Variants in PDE12 observed in about 807,000 individuals in gnomAD.
PDE12 encodes the protein 2',5'-phosphodiesterase 12.
In PDE12, 26 loss-of-function variants were observed where a neutral mutation model predicts 45.4. The ratio of observed to expected loss-of-function variants is 0.57; its 90% CI spans 0.42 to 0.79. The LOEUF (loss-of-function observed/expected upper bound fraction) is 0.79, where lower values mean the gene tolerates loss of function less well. Among genes scored for constraint, PDE12 ranks in the 30% least tolerant of loss-of-function variants. The probability of loss-of-function intolerance (pLI) is 0.00; values close to 1 mark genes in which losing one functional copy is unlikely to be tolerated. For synonymous variants in PDE12, 283 were observed against 323.9 expected (o/e 0.87, Z 1.36); for missense variants, 668 against 790.0 (o/e 0.85, Z 1.85).
chr3:57,629,241 G>T, the PDE12 span, among the ~76,000 whole-genome samples: 1 of 152,132 alleles, frequency 6.6e-6, no homozygotes, highest in African/African-American at 2.4e-5. Flanking sequence ...CAAATCAAGA[G>T]AACTGAACAT....
the PDE12 span, among the ~76,000 whole-genome samples, chr3:57,589,037 G>A: frequency 6.6e-6 from 1 of 151,884 alleles, no homozygotes; most frequent in South Asian, 2.1e-4. Context: ...GAGAGGCGGA[G>A]GTCGCAGTGA....
At chr3:57,611,422 A>C in the PDE12 span, among the ~76,000 whole-genome samples, 1 of 152,210 alleles carries the variant, frequency 6.6e-6, no homozygotes, top group African/African-American at 2.4e-5. Context: ...ACAGCAAAAG[A>C]AACTACCATC....
chr3:57,646,288 C>A, the PDE12 span: 16 of 1,578,018 alleles, frequency 1.0e-5, no homozygotes, highest in African/African-American at 1.4e-5. Flanking sequence ...AAAAAAAAAA[C>A]CCAGAAATAG....
rs1191571489 is a variant in PDE12 at position 57,556,883 on chromosome 3, G to C, written c.504G>C (p.Gln168His). The change falls in exon 1 of 3, where the codon CAG becomes CAC. Residue 168 changes from glutamine (Q) to histidine (H), a missense_variant. Transcript: ENST00000311180. The surrounding 1 kb of genome is among the most constrained non-coding windows in gnomAD (Gnocchi z 5.0). ...ACCCGCCCGCCTTCACCGAACTGCA[G>C]TTGCCGCGCTACATCATGGCCGGGT... ...ERNPPAFTEL[Q>H]LPRYIMAGFP... 2 of 1,614,186 alleles carry C rather than the reference G, an allele frequency of 1.2e-6. No homozygotes were observed. Among genetic ancestry groups the C allele is most frequent in the Non-Finnish European group, 1.7e-6 (2 of 1,180,044 alleles).
In PDE12 at chr3:57,563,843, T is replaced by C. The variant is rs1262032252; in HGVS notation, c.*3839T>C. ...AGCCTGCAGTGAGTTGTGATCAAGG[T>C]GCGCTGCACTCCAGCCTGGGTAATA... On this transcript the variant is annotated 3_prime_UTR_variant, in exon 3 of 3. Transcript: ENST00000311180. 6.6e-6 allele frequency: 1 copy of C among 152,198 alleles called. No homozygotes were observed. Among genetic ancestry groups the C allele is most frequent in the Non-Finnish European group, 1.5e-5 (1 of 68,090 alleles). 9.4% of individuals were successfully genotyped at this position (152,198 alleles called of 1,614,324 possible). A position where few individuals can be genotyped will look rare whatever the true frequency, so the allele number is the denominator to read the frequency against.
chr3:57,607,967 A>G, the PDE12 span, among the ~76,000 whole-genome samples: 1 of 152,166 alleles, frequency 6.6e-6, no homozygotes, highest in Admixed American at 6.5e-5. Context: ...GAAGGAAAAA[A>G]TATTAAGGGC....
chr3:57,598,706 G>C, the PDE12 span, among the ~76,000 whole-genome samples: 2 of 152,106 alleles, frequency 1.3e-5, no homozygotes, highest in Non-Finnish European at 2.9e-5. Context: ...GCGTGAACCC[G>C]GGAGGCGGAG....
the PDE12 span, among the ~76,000 whole-genome samples, chr3:57,593,003 GA>G: frequency 1.3e-5 from 2 of 152,088 alleles, no homozygotes; most frequent in Admixed American, 1.3e-4. Flanking sequence ...CCAGGAGTTT[GA>G]GATCAGCTGG....
the PDE12 span, chr3:57,654,647 T>A: frequency 1.0e-6 from 1 of 985,256 alleles, no homozygotes; most frequent in Non-Finnish European, 1.2e-6. Context: ...AATTCTAATC[T>A]CACCTCAAAA....
At chr3:57,593,147 T>C in the PDE12 span, among the ~76,000 whole-genome samples, 220 of 152,186 alleles carry the variant, frequency 1.4e-3, 1 homozygote, top group Admixed American at 3.3e-3. Flanking sequence ...AAGGCTACAG[T>C]GAGCTATGAT....
rs753507333 is a variant in PDE12, at chr3:57,559,296, T to C, written c.1309-14T>C. The C allele has an allele frequency of 1.3e-6, 2 of 1,586,084 alleles. No individual in the cohort carries two copies. The highest frequency in any genetic ancestry group is 2.7e-5 in the African/African-American group (2 of 73,922). ...AATGCCAACTGAACTCTTGGCACTTTCCGTTTATTTTAGGTTTCAGTTCTT... is the reference window on the plus strand; with the variant it reads ...AATGCCAACTGAACTCTTGGCACTTCCCGTTTATTTTAGGTTTCAGTTCTT... On this transcript the variant is annotated splice_polypyrimidine_tract_variant and intron_variant, in intron 1 of 2. Transcript: ENST00000311180.
At chr3:57,630,887 C>T in the PDE12 span, 1 of 1,611,222 alleles carries the variant, frequency 6.2e-7, no homozygotes, top group Non-Finnish European at 8.5e-7. Context: ...AAGTTAATTA[C>T]AGTTAGAGGA....
chr3:57,642,950 G>A, the PDE12 span, among the ~76,000 whole-genome samples: 4 of 149,650 alleles, frequency 2.7e-5, no homozygotes, highest in East Asian at 5.9e-4. Context: ...AGGTTGCAGT[G>A]AGCCAAGATC....
Position 57,561,003 on chromosome 3 carries a change from AG to A in PDE12, c.*1000del, listed in dbSNP as rs2069722977. 1 of 976,110 alleles carries A rather than the reference AG, an allele frequency of 1.0e-6. No homozygotes were observed. The highest frequency in any genetic ancestry group is 1.2e-6 in the Non-Finnish European group (1 of 821,230). The allele number at this position is 976,110 out of a possible 1,614,324, so 60.5% of individuals were successfully genotyped here. On this transcript the variant is annotated 3_prime_UTR_variant, in exon 3 of 3. Coordinates refer to ENST00000311180, the MANE Select transcript of PDE12 (RefSeq NM_177966.7). ...TTTTCATTCTTATTTTTAGGATTTT[AG>A]TTTTTAGTGTATGGTACAAATGAAC... is the stretch of plus-strand genomic sequence containing the variant.
At chr3:57,573,933 G>GTT in the PDE12 span, among the ~76,000 whole-genome samples, 1 of 146,454 alleles carries the variant, frequency 6.8e-6, no homozygotes, top group Non-Finnish European at 1.5e-5. Context: ...GCAATAGGTT[G>GTT]TTTTTTTTTG....
At chr3:57,577,234 T>C in the PDE12 span, 1 of 1,128,388 alleles carries the variant, frequency 8.9e-7, no homozygotes, top group Non-Finnish European at 1.3e-6. Context: ...AATCTAATCA[T>C]AGTCAAAATG....
At chr3:57,583,526 G>C in the PDE12 span, among the ~76,000 whole-genome samples, 5 of 152,214 alleles carry the variant, frequency 3.3e-5, no homozygotes, top group East Asian at 9.6e-4. Flanking sequence ...ACAAGTAACT[G>C]GGCTAAACAA....
At chr3:57,583,181 A>C in the PDE12 span, among the ~76,000 whole-genome samples, 1 of 152,204 alleles carries the variant, frequency 6.6e-6, no homozygotes, top group African/African-American at 2.4e-5. Flanking sequence ...GAAATACAGA[A>C]TCTCAGGCCT....
At chr3:57,655,158 T>A in the PDE12 span, among the ~76,000 whole-genome samples, 2 of 152,032 alleles carry the variant, frequency 1.3e-5, no homozygotes, top group African/African-American at 4.8e-5. Flanking sequence ...CTCAGCCTCC[T>A]GAGTAGCTGA....
Sources: allele counts gnomAD v4.1 joint callset (sites outside exome capture counted in the v4.1 genomes callset), GRCh38; gene constraint gnomAD v4.1.1; non-coding constraint Gnocchi (gnomAD v3.1); transcripts MANE v1.5; gene names NCBI Gene and HGNC (gene_info 2026-07-23, HGNC 2026-07-21).